PTCHD4: variants seen among roughly 807,000 people sequenced by gnomAD.
The protein encoded by PTCHD4 is patched domain-containing protein 4.
A neutral mutation model predicts 58.1 loss-of-function variants in PTCHD4; 33 were observed. The observed-to-expected ratio is 0.57, with a 90% CI of 0.43 to 0.76. PTCHD4 has a LOEUF of 0.76. PTCHD4 is among the 30% of genes least tolerant of loss of function. The pLI, the probability that PTCHD4 is intolerant of heterozygous loss-of-function variation, is 0.00. For missense variants in PTCHD4, 1,058 were observed against 1,027.1 expected, an observed-to-expected ratio of 1.03 and a Z score of -0.41; for synonymous variants, 478 against 409.6, an observed-to-expected ratio of 1.17 and a Z score of -2.02.
At chr6:48,075,093 C>A (rs1045517526) in intron 1 of PTCHD4, among the ~76,000 whole-genome samples, 1 of 152,094 alleles carries the variant, frequency 6.6e-6, no homozygotes, top group Non-Finnish European at 1.5e-5. Flanking sequence ...GGAGTCCATG[C>A]AAGCATCTTT....
At chr6:47,886,509 C>T (rs996379406) in intron 4 of PTCHD4, among the ~76,000 whole-genome samples, 3 of 152,028 alleles carry the variant, frequency 2.0e-5, no homozygotes, top group Non-Finnish European at 2.9e-5. Flanking sequence ...CTTTTTATGA[C>T]CTGTTCCAAA....
chr6:47,868,494 T>C lies in PTCHD4; in HGVS notation c.*9809A>G, dbSNP rs1291552937. On this transcript the variant is annotated 3_prime_UTR_variant, in exon 5 of 5. Coordinates refer to ENST00000339488, the MANE Select transcript of PTCHD4 (RefSeq NM_001384253.1). Reference sequence around the variant, plus strand: ...CATTAGGTCATGAGCAGGCAACTGATAAGCTGGAGAAGTCTTTTATATTTT... The same window carrying C: ...CATTAGGTCATGAGCAGGCAACTGACAAGCTGGAGAAGTCTTTTATATTTT... Among the ~76,000 whole-genome samples the C allele has an allele frequency of 1.3e-5, 2 of 151,810 alleles. No homozygotes were observed. The highest frequency in any genetic ancestry group is 3.9e-4 in the East Asian group (2 of 5,150).
At chr6:47,896,161 G>A (rs1260941782) in intron 4 of PTCHD4, among the ~76,000 whole-genome samples, 1 of 152,192 alleles carries the variant, frequency 6.6e-6, no homozygotes, top group East Asian at 1.9e-4. Flanking sequence ...ACATTTACCT[G>A]CTGTGAATTG....
At chr6:48,042,432 C>T (rs972473641) in intron 3 of PTCHD4, among the ~76,000 whole-genome samples, 2 of 151,862 alleles carry the variant, frequency 1.3e-5, no homozygotes, top group African/African-American at 4.8e-5. Context: ...AAGGCAAATG[C>T]AATACAACAC....
chr6:48,013,920 C>G (rs1762780232), intron 3 of PTCHD4, among the ~76,000 whole-genome samples: 1 of 152,064 alleles, frequency 6.6e-6, no homozygotes, highest in South Asian at 2.1e-4. Flanking sequence ...GATAATGTAT[C>G]TGGACAAAAG....
intron 3 of PTCHD4, among the ~76,000 whole-genome samples, chr6:48,049,717 A>G (rs1414595865): frequency 6.6e-6 from 1 of 151,972 alleles, no homozygotes; most frequent in African/African-American, 2.4e-5. Flanking sequence ...CTCTCTGTAT[A>G]TATGTGACAT....
chr6:48,065,908 T>C (rs1764780000), intron 3 of PTCHD4, among the ~76,000 whole-genome samples: 1 of 152,226 alleles, frequency 6.6e-6, no homozygotes, highest in Admixed American at 6.5e-5. Context: ...GATATTAACC[T>C]TTGTAATTAA....
rs745310753 is a variant in PTCHD4, at chr6:48,068,305, G to A, written c.342C>T (p.Leu114=). The A allele has an allele frequency of 6.2e-7, 1 of 1,612,810 alleles. No homozygotes were observed. Among genetic ancestry groups the A allele is most frequent in the Admixed American group, 1.7e-5 (1 of 59,972 alleles). The change falls in exon 3 of 5, where the codon CTC becomes CTT. Residue 114 remains leucine (L), a synonymous_variant. Coordinates refer to ENST00000339488, the MANE Select transcript of PTCHD4 (RefSeq NM_001384253.1). The surrounding 1 kb of genome is among the most constrained non-coding windows in gnomAD (Gnocchi z 4.2). ...TPGRYGRVIL[L]SPTGDNILLQ... is the part of the protein sequence containing the mutation. The stretch of plus-strand genomic sequence containing the variant: ...GCAAAATATTGTCCCCGGTTGGGGA[G>A]AGGAGGATCACCCTGCCATACCTCC...
intron 4 of PTCHD4, among the ~76,000 whole-genome samples, chr6:47,909,915 G>C (rs1462754770): frequency 6.6e-6 from 1 of 152,090 alleles, no homozygotes; most frequent in Admixed American, 6.6e-5. Flanking sequence ...TCAGTCTAAA[G>C]TTTATCTCTC....
At chr6:48,108,819 A>T (rs1243287261) in intron 1 of PTCHD4, among the ~76,000 whole-genome samples, 2 of 151,934 alleles carry the variant, frequency 1.3e-5, no homozygotes, top group Non-Finnish European at 2.9e-5. Context: ...AGAGAACAAC[A>T]ACAACAGAAA....
chr6:48,091,498 G>A (rs1765364900), intron 1 of PTCHD4, among the ~76,000 whole-genome samples: 1 of 152,090 alleles, frequency 6.6e-6, no homozygotes, highest in Non-Finnish European at 1.5e-5. Context: ...TATTTAATAT[G>A]TGGTCCTCAG....
At chr6:48,098,639 G>C (rs1765529315) in intron 1 of PTCHD4, among the ~76,000 whole-genome samples, 1 of 152,054 alleles carries the variant, frequency 6.6e-6, no homozygotes, top group Non-Finnish European at 1.5e-5. Context: ...GCACCTGCCT[G>C]GAGTTTCATG....
At position 47,876,849 on chromosome 6, in the gene PTCHD4, A is replaced by G. The variant is rs990528958; in HGVS notation, c.*1454T>C. Among the ~76,000 whole-genome samples, 1 of 152,032 alleles carries G rather than the reference A, an allele frequency of 6.6e-6. No individual in the cohort carries two copies. Among genetic ancestry groups the G allele is most frequent in the Non-Finnish European group, 1.5e-5 (1 of 67,964 alleles). Reference sequence around the variant, plus strand: ...GGGAGTAGTTTTAAACTTTAACTTAATGAAAACATTTACCTCAGTACTTTT... The same window carrying G: ...GGGAGTAGTTTTAAACTTTAACTTAGTGAAAACATTTACCTCAGTACTTTT... On this transcript the variant is annotated 3_prime_UTR_variant, in exon 5 of 5. Transcript: ENST00000339488.
chr6:47,923,585 G>C (rs949244535), intron 4 of PTCHD4, among the ~76,000 whole-genome samples: 1 of 152,154 alleles, frequency 6.6e-6, no homozygotes, highest in African/African-American at 2.4e-5. Flanking sequence ...TAAGCTTATA[G>C]TGTGGTTTCT....
At chr6:48,049,817 A>G (rs1374329370) in intron 3 of PTCHD4, among the ~76,000 whole-genome samples, 1 of 151,962 alleles carries the variant, frequency 6.6e-6, no homozygotes, top group East Asian at 1.9e-4. Context: ...TAAGGACTCC[A>G]TAAATGTTTA....
At chr6:48,074,131 G>T (rs913818894) in intron 1 of PTCHD4, among the ~76,000 whole-genome samples, 3 of 151,842 alleles carry the variant, frequency 2.0e-5, no homozygotes, top group African/African-American at 7.3e-5. Flanking sequence ...TCATCGCTTG[G>T]CTCAGGCCTC....
chr6:47,983,148 T>C (rs1767945781), intron 4 of PTCHD4, among the ~76,000 whole-genome samples: 1 of 152,034 alleles, frequency 6.6e-6, no homozygotes. Flanking sequence ...AAAAGTCAAA[T>C]AAATGTCAAG....
intron 4 of PTCHD4, among the ~76,000 whole-genome samples, chr6:47,937,196 G>T (rs1288806021): frequency 6.6e-6 from 1 of 152,136 alleles, no homozygotes; most frequent in Non-Finnish European, 1.5e-5. Flanking sequence ...TGCCATGGCT[G>T]GTGTTTTAAG....
At chr6:48,108,345 G>T (rs1220245509) in intron 1 of PTCHD4, among the ~76,000 whole-genome samples, 1 of 151,894 alleles carries the variant, frequency 6.6e-6, no homozygotes, top group Non-Finnish European at 1.5e-5. Flanking sequence ...GCAAACTATC[G>T]CAAGGACAAA....
Sources: allele counts gnomAD v4.1 joint callset (sites outside exome capture counted in the v4.1 genomes callset), GRCh38; gene constraint gnomAD v4.1.1; non-coding constraint Gnocchi (gnomAD v3.1); transcripts MANE v1.5; gene names NCBI Gene and HGNC (gene_info 2026-07-23, HGNC 2026-07-21).